Variants in LOXL4 observed in about 807,000 individuals in gnomAD.
The protein encoded by LOXL4 is lysyl oxidase like 4, also known as lysyl oxidase homolog 4.
A neutral mutation model predicts 89.1 loss-of-function variants in LOXL4; 72 were observed. That is an observed-to-expected ratio of 0.81 (90% CI 0.67 to 0.98). LOXL4 has a LOEUF of 0.98. Among genes scored for constraint, LOXL4 ranks in the 50% least tolerant of loss-of-function variants. LOXL4 has a pLI of 0.00. For synonymous variants in LOXL4, 355 were observed against 392.1 expected (o/e 0.91, Z 1.12); for missense variants, 984 against 1,017.5 (o/e 0.97, Z 0.45).
Position 98,251,631 on chromosome 10 carries a change from G to A in LOXL4, c.2023C>T (p.Arg675Trp). 6.2e-6 allele frequency: 10 copies of A among 1,614,202 alleles called. No homozygotes were observed. The highest frequency in any genetic ancestry group is 1.6e-4 in the Middle Eastern group (1 of 6,062). Residue 675 changes from arginine (R) to tryptophan (W), a missense_variant, in exon 13 of 15, where the codon CGG (arginine) becomes TGG (tryptophan). Transcript: ENST00000260702. ...ACCCACTGGCAATCAATGTCATGCC[G>A]GTAGGTGTCCCAGCAGCCTACAGTC... The part of the protein sequence containing the change: ...GVTVGCWDTY[R>W]HDIDCQWVDI...
chr10:98,251,430 A>G lies in LOXL4; in HGVS notation c.2088+136T>C, dbSNP rs1049917382. ...GACCCAGCTTGACTGTTACTTCCCT[A>G]ACAGGACAGCTCCTTTAAGTGACAG... On this transcript the variant is annotated intron_variant, in intron 13 of 14. Transcript: ENST00000260702. 9.7e-5 allele frequency: 120 copies of G among 1,236,070 alleles called. 1 individual carries two copies. Among genetic ancestry groups the G allele is most frequent in the Middle Eastern group, 5.3e-4 (2 of 3,792 alleles). 76.6% of individuals were successfully genotyped at this position (1,236,070 alleles called of 1,614,324 possible).
chr10:98,250,779 C>G (rs1858168105), intron 14 of LOXL4, among the ~76,000 whole-genome samples: 1 of 152,152 alleles, frequency 6.6e-6, no homozygotes. Context: ...CTTGAGGTGA[C>G]AGGAAAGATT....
rs971457221 is a variant in LOXL4, at chr10:98,247,804, C to T, written c.*1117G>A. ...AGATCAAGAATCATGTCAAGAAGAC[C>T]ATGGGGTTTTATTCCACTTGAGCAA... is the stretch of plus-strand genomic sequence containing the variant. On this transcript the variant is annotated 3_prime_UTR_variant, in exon 15 of 15. Transcript: ENST00000260702. 5.9e-5 allele frequency: 9 copies of T among 152,134 alleles called. No homozygotes were observed. The highest frequency in any genetic ancestry group is 2.2e-4 in the African/African-American group (9 of 41,418). 9.4% of individuals were successfully genotyped at this position (152,134 alleles called of 1,614,324 possible).
intron 14 of LOXL4, 85 bp downstream of exon 14, chr10:98,250,980 T>C: frequency 2.1e-6 from 2 of 933,946 alleles, no homozygotes; most frequent in Non-Finnish European, 3.5e-6. Flanking sequence ...AGTCACACGC[T>C]GGAGTGTGGG....
At chr10:98,266,959 G>C (rs114128435) in intron 1 of LOXL4, among the ~76,000 whole-genome samples, 1 of 152,184 alleles carries the variant, frequency 6.6e-6, no homozygotes, top group East Asian at 1.9e-4. Context: ...AAGCGGCCTC[G>C]AAAGTGGCCG....
chr10:98,265,498 G>A (rs1237312388), intron 1 of LOXL4, among the ~76,000 whole-genome samples: 1 of 128,382 alleles, frequency 7.8e-6, no homozygotes, highest in East Asian at 2.1e-4. Flanking sequence ...CCGCCTCCAG[G>A]GTTCAAGTGA....
intron 10 of LOXL4, among the ~76,000 whole-genome samples, chr10:98,255,294 ATTGT>A (rs1257714262): frequency 6.6e-6 from 1 of 152,206 alleles, no homozygotes; most frequent in South Asian, 2.1e-4. Flanking sequence ...GTCCTGTTTC[ATTGT>A]TTGTAACTGT....
Position 98,263,009 on chromosome 10 carries a change from G to A in LOXL4, c.11C>T (p.Ser4Phe), listed in dbSNP as rs779922908. 6.2e-7 allele frequency: 1 copy of A among 1,613,202 alleles called. No homozygotes were observed. Among genetic ancestry groups the A allele is most frequent in the East Asian group, 2.2e-5 (1 of 44,868 alleles). MAW[S>F]PPATLFLFLL... Reference sequence around the variant, plus strand: ...GAACAGAAAGAGGGTGGCTGGTGGGGACCACGCCATGGTGACTTCAAGGAC... The same window carrying A: ...GAACAGAAAGAGGGTGGCTGGTGGGAACCACGCCATGGTGACTTCAAGGAC... Residue 4 changes from serine to phenylalanine, a missense_variant, in exon 2 of 15, where the codon TCC becomes TTC. Coordinates refer to ENST00000260702, the MANE Select transcript of LOXL4 (RefSeq NM_032211.7).
chr10:98,248,598 A>G lies in LOXL4; in HGVS notation c.*323T>C. ...GACTGGGCCATAGTCCATCCCTAAG[A>G]AACTGAGAGCTCCTGAATCCCGGAT... On this transcript the variant is annotated 3_prime_UTR_variant, in exon 15 of 15. Transcript: ENST00000260702. 3.2e-6 allele frequency: 1 copy of G among 317,420 alleles called. No individual in the cohort carries two copies. The highest frequency in any genetic ancestry group is 6.9e-5 in the East Asian group (1 of 14,436). The allele number at this position is 317,420 out of a possible 1,614,324, so 19.7% of individuals were successfully genotyped here.
chr10:98,251,512 T>C lies in LOXL4; in HGVS notation c.2088+54A>G, dbSNP rs1313922265. Reference sequence around the variant, plus strand: ...CCCTTCATTTGCCCTCAGGGAAAGTTGTGGAACATCTGGAGGAAATCAGGC... The same window carrying C: ...CCCTTCATTTGCCCTCAGGGAAAGTCGTGGAACATCTGGAGGAAATCAGGC... On this transcript the variant is annotated intron_variant, in intron 13 of 14. Transcript: ENST00000260702. The C allele has an allele frequency of 1.9e-6, 3 of 1,600,218 alleles. No homozygotes were observed. The African/African-American group carries it at 4.0e-5, about 21-fold the overall frequency.
chr10:98,258,958 C>T, intron 6 of LOXL4, 51 bp downstream of exon 6: 1 of 1,440,032 alleles, frequency 6.9e-7, no homozygotes, highest in Non-Finnish European at 9.3e-7. Context: ...CAGGCAGTGT[C>T]CCGCCCGTGC....
At chr10:98,255,886 C>T (rs911861646) in intron 9 of LOXL4, 147 bp from the exon 10 acceptor site, 1 of 866,768 alleles carries the variant, frequency 1.2e-6, no homozygotes, top group Admixed American at 2.7e-5. Context: ...ACCCGAATTC[C>T]CTGGGGCAGT....
At position 98,248,338 on chromosome 10, in the gene LOXL4, C is replaced by G. The variant is rs1858096737; in HGVS notation, c.*583G>C. On this transcript the variant is annotated 3_prime_UTR_variant, in exon 15 of 15. Coordinates refer to ENST00000260702, the MANE Select transcript of LOXL4 (RefSeq NM_032211.7). Reference sequence around the variant, plus strand: ...GTGCTTCCAAGGATAATAGAAACACCCATGTGTGTGGTAAGATAAAGGTAA... The same window carrying G: ...GTGCTTCCAAGGATAATAGAAACACGCATGTGTGTGGTAAGATAAAGGTAA... 1 of 152,660 alleles carries G rather than the reference C, an allele frequency of 6.6e-6. No homozygotes were observed. Among genetic ancestry groups the G allele is most frequent in the Non-Finnish European group, 1.5e-5 (1 of 68,286 alleles). 9.5% of individuals were successfully genotyped at this position (152,660 alleles called of 1,614,324 possible). A position where few individuals can be genotyped will look rare whatever the true frequency, so the allele number is the denominator to read the frequency against.
intron 11 of LOXL4, among the ~76,000 whole-genome samples, chr10:98,252,884 A>G (rs1425100179): frequency 6.6e-6 from 1 of 152,224 alleles, no homozygotes; most frequent in Non-Finnish European, 1.5e-5. Flanking sequence ...TTATAATGAC[A>G]GCTCTGTTCA....
chr10:98,255,757 G>A lies in LOXL4; in HGVS notation c.1429-18C>T, dbSNP rs771293427. The A allele has an allele frequency of 2.2e-5, 35 of 1,601,058 alleles. No homozygotes were observed. The highest frequency in any genetic ancestry group is 2.0e-4 in the East Asian group (9 of 44,504). Reference sequence around the variant, plus strand: ...CAGGTTTCCTAAGAAGACAGCCAGCGTCACCCAGTCAGCGTGCCTTTGGAG... The same window carrying A: ...CAGGTTTCCTAAGAAGACAGCCAGCATCACCCAGTCAGCGTGCCTTTGGAG... On this transcript the variant is annotated intron_variant, in intron 9 of 14. Coordinates refer to ENST00000260702, the MANE Select transcript of LOXL4 (RefSeq NM_032211.7).
At chr10:98,263,479 C>T (rs1048522244) in intron 1 of LOXL4, among the ~76,000 whole-genome samples, 24 of 152,134 alleles carry the variant, frequency 1.6e-4, no homozygotes, top group Non-Finnish European at 2.2e-4. Context: ...ATTTGAGTCA[C>T]GGGGATGCCC....
chr10:98,253,323 G>A (rs1187007038), intron 11 of LOXL4, among the ~76,000 whole-genome samples: 4 of 152,264 alleles, frequency 2.6e-5, no homozygotes, highest in Non-Finnish European at 5.9e-5. Flanking sequence ...TCTATGGGAT[G>A]TTGCTGTGGG....
intron 14 of LOXL4, among the ~76,000 whole-genome samples, chr10:98,250,315 T>A (rs183503977): frequency 6.6e-6 from 1 of 152,160 alleles, no homozygotes; most frequent in African/African-American, 2.4e-5. Flanking sequence ...AGTCCACACA[T>A]TAGTAGTATT....
chr10:98,262,585 G>A (rs975830027), intron 2 of LOXL4, among the ~76,000 whole-genome samples, 158 bp downstream of exon 2: 1 of 152,188 alleles, frequency 6.6e-6, no homozygotes, highest in Non-Finnish European at 1.5e-5. Flanking sequence ...ATGGGAGGGT[G>A]GGAGTAGGGG....
Sources: allele counts gnomAD v4.1 joint callset (sites outside exome capture counted in the v4.1 genomes callset), GRCh38; gene constraint gnomAD v4.1.1; transcripts MANE v1.5; gene names NCBI Gene and HGNC (gene_info 2026-07-23, HGNC 2026-07-21).